The following RHPN2 variants were observed in gnomAD, a reference collection of about 807,000 sequenced individuals.
RHPN2 encodes the protein rhophilin Rho GTPase binding protein 2, also known as rhophilin-2.
A neutral mutation model predicts 79.0 loss-of-function variants in RHPN2; 40 were observed. That is an observed-to-expected ratio of 0.51 (90% CI 0.39 to 0.66). The LOEUF (loss-of-function observed/expected upper bound fraction) is 0.66. Ranked by LOEUF, RHPN2 falls within the 30% of genes least tolerant of loss-of-function variation. The pLI is 0.00. For missense variants in RHPN2, 686 were observed against 883.5 expected, an observed-to-expected ratio of 0.78 and a Z score of 2.83; for synonymous variants, 285 against 363.5, an observed-to-expected ratio of 0.78 and a Z score of 2.46.
At chr19:32,991,346 C>T (rs1298829940) in intron 13 of RHPN2, 1 of 218,692 alleles carries the variant, frequency 4.6e-6, no homozygotes, top group Admixed American at 5.3e-5. Context: ...GTAATCCCAG[C>T]TACTCAGCAG....
intron 4 of RHPN2, among the ~76,000 whole-genome samples, chr19:33,015,223 A>G (rs7508657): frequency 0.071 from 10,859 of 151,894 alleles, 1,330 homozygotes; most frequent in African/African-American, 0.25. Context: ...CCAAGAGTTC[A>G]AGACCAGCCT....
chr19:33,008,202 C>T (rs573464115), intron 6 of RHPN2, 22 bp from the exon 7 acceptor site: 17 of 1,612,250 alleles, frequency 1.1e-5, no homozygotes, highest in East Asian at 6.7e-5. Flanking sequence ...AAATGCATTC[C>T]GAGAATACAG....
intron 4 of RHPN2, 131 bp from the exon 5 acceptor site, chr19:33,012,855 G>C (rs764526216): frequency 1.5e-6 from 1 of 653,610 alleles, no homozygotes; most frequent in Non-Finnish European, 2.8e-6. Flanking sequence ...GATTTTCAAA[G>C]TGGGGGAATT....
chr19:32,980,748 G>A (rs1329627059), intron 14 of RHPN2, among the ~76,000 whole-genome samples: 2 of 152,094 alleles, frequency 1.3e-5, no homozygotes, highest in Non-Finnish European at 2.9e-5. Context: ...TAAACTCCTG[G>A]GCTCAAGCGA....
chr19:33,035,122 C>A (rs1471946742), intron 2 of RHPN2, among the ~76,000 whole-genome samples: 1 of 151,960 alleles, frequency 6.6e-6, no homozygotes, highest in South Asian at 2.1e-4. Flanking sequence ...TGTGCCACCA[C>A]ACCCAGCTAA....
rs777543844 is a variant in RHPN2, at chr19:33,002,331, A to G, written c.1021T>C (p.Trp341Arg). 6.2e-7 allele frequency: 1 copy of G among 1,613,968 alleles called. No homozygotes were observed. The highest frequency in any genetic ancestry group is 8.5e-7 in the Non-Finnish European group (1 of 1,179,876). Reference protein sequence around the residue: ...APVKENIPYSWASLACVKAHH... With the variant: ...APVKENIPYSRASLACVKAHH... ...GCCTTCACGCAGGCTAAGCTGGCCC[A>G]GGAGTAGGGGATGTTCTCTTTCACC... Residue 341 changes from tryptophan to arginine, a missense_variant, in exon 9 of 15, where the codon TGG becomes CGG. Physicochemically the swap from Trp to Arg is moderately radical, Grantham distance 101 (BLOSUM62 -3). Transcript: ENST00000254260.
chr19:33,010,597 C>G (rs1345923226), intron 6 of RHPN2, among the ~76,000 whole-genome samples: 2 of 152,050 alleles, frequency 1.3e-5, no homozygotes, highest in African/African-American at 4.8e-5. Context: ...ATTGGACAGG[C>G]TGGTCTCGAA....
At chr19:32,997,927 G>A (rs1239898946) in intron 10 of RHPN2, among the ~76,000 whole-genome samples, 1 of 152,232 alleles carries the variant, frequency 6.6e-6, no homozygotes, top group African/African-American at 2.4e-5. Flanking sequence ...CCTGGAGGCA[G>A]GGAGGGTGGG....
intron 1 of RHPN2, among the ~76,000 whole-genome samples, chr19:33,053,552 T>TA (rs1390880341): frequency 6.7e-6 from 1 of 150,084 alleles, no homozygotes; most frequent in East Asian, 2.0e-4. Flanking sequence ...GCCTCCAGAG[T>TA]AGCTGGGATT....
In RHPN2 at chr19:32,996,881, ATAT is replaced by A. The variant is rs775799907; in HGVS notation, c.1226-664_1226-662del. On this transcript the variant is annotated intron_variant, in intron 10 of 14. Transcript: ENST00000254260. ...TGGTTACAACAAGCCTTTTATTAAA[ATAT>A]TATTTTTTTCATTTTATATTTTATA... is the stretch of plus-strand genomic sequence containing the variant. Among the ~76,000 whole-genome samples, 251 of 152,206 alleles carry A rather than the reference ATAT, an allele frequency of 1.6e-3. 1 individual carries two copies. The highest frequency in any genetic ancestry group is 0.01 in the Middle Eastern group (3 of 294).
intron 14 of RHPN2, among the ~76,000 whole-genome samples, chr19:32,980,960 CT>C (rs1340374121): frequency 1.3e-5 from 2 of 152,020 alleles, no homozygotes; most frequent in Admixed American, 1.3e-4. Flanking sequence ...GCCTCAGCCT[CT>C]CTGAGTAGCT....
chr19:33,050,482 C>G (rs1013772245), intron 1 of RHPN2, among the ~76,000 whole-genome samples: 17 of 152,166 alleles, frequency 1.1e-4, no homozygotes, highest in Non-Finnish European at 2.1e-4. Flanking sequence ...ACCATCACTC[C>G]TATCAAAATA....
chr19:33,021,830 A>C (rs1321322155), intron 3 of RHPN2, among the ~76,000 whole-genome samples, 184 bp from the exon 4 acceptor site: 5 of 152,016 alleles, frequency 3.3e-5, no homozygotes, highest in Non-Finnish European at 7.4e-5. Flanking sequence ...CTCTGCTCTA[A>C]AACTGACCCC....
At chr19:33,002,501 C>T (rs1000856885) in intron 8 of RHPN2, 98 bp from the exon 9 acceptor site, 26 of 1,472,094 alleles carry the variant, frequency 1.8e-5, no homozygotes, top group Non-Finnish European at 2.5e-5. Flanking sequence ...CATGCAACAG[C>T]CCCTGCCAGG....
At chr19:32,994,458 C>T (rs1033939216) in intron 11 of RHPN2, among the ~76,000 whole-genome samples, 7 of 152,010 alleles carry the variant, frequency 4.6e-5, no homozygotes, top group Non-Finnish European at 5.9e-5. Flanking sequence ...ACACATCCTT[C>T]CCCTCGGTTT....
chr19:32,989,795 A>C (rs1971640014), intron 14 of RHPN2, among the ~76,000 whole-genome samples: 3 of 151,994 alleles, frequency 2.0e-5, no homozygotes, highest in Non-Finnish European at 4.4e-5. Context: ...CATAGCAAGA[A>C]CCTGTCTCTA....
Position 32,990,507 on chromosome 19 carries a change from C to A in RHPN2, c.1800+7G>T. 6.2e-7 allele frequency: 1 copy of A among 1,613,600 alleles called. No homozygotes were observed. On this transcript the variant is annotated splice_region_variant and intron_variant, in intron 14 of 14. Transcript: ENST00000254260. Reference sequence around the variant, plus strand: ...CACTGACTGCCCAGGGAGGTGTCAGCGCTCACCATGGATGATGTGGAGTCC... The same window carrying A: ...CACTGACTGCCCAGGGAGGTGTCAGAGCTCACCATGGATGATGTGGAGTCC...
chr19:33,062,874 G>A (rs1267652219), intron 1 of RHPN2, among the ~76,000 whole-genome samples: 3 of 151,950 alleles, frequency 2.0e-5, no homozygotes, highest in Non-Finnish European at 4.4e-5. Context: ...TCCCAGTGCG[G>A]AGCAAGAAGT....
chr19:33,011,823 A>T lies in RHPN2; in HGVS notation c.469-20T>A, dbSNP rs1228313998. Reference sequence around the variant, plus strand: ...ACAAGCCTGCAAGGAAAAGAACCCAAGAGGGCATGAGCAGAGGAGGACACA... The same window carrying T: ...ACAAGCCTGCAAGGAAAAGAACCCATGAGGGCATGAGCAGAGGAGGACACA... On this transcript the variant is annotated intron_variant, in intron 5 of 14. Coordinates refer to ENST00000254260, the MANE Select transcript of RHPN2 (RefSeq NM_033103.5). 6.2e-7 allele frequency: 1 copy of T among 1,613,872 alleles called. No individual in the cohort carries two copies. The highest frequency in any genetic ancestry group is 1.1e-5 in the South Asian group (1 of 91,070).
Sources: allele counts gnomAD v4.1 joint callset (sites outside exome capture counted in the v4.1 genomes callset), GRCh38; gene constraint gnomAD v4.1.1; transcripts MANE v1.5; gene names NCBI Gene and HGNC (gene_info 2026-07-23, HGNC 2026-07-21).